GDAP2: variants seen among roughly 807,000 people sequenced by gnomAD.
The protein encoded by GDAP2 is ganglioside-induced differentiation-associated protein 2.
A neutral mutation model predicts 67.0 loss-of-function variants in GDAP2; 51 were observed. The ratio of observed to expected loss-of-function variants is 0.76; its 90% CI spans 0.61 to 0.96. The LOEUF is 0.96. Ranked by LOEUF, GDAP2 falls within the 40% of genes least tolerant of loss-of-function variation. The pLI is 0.00. For synonymous variants in GDAP2, 203 were observed against 207.3 expected (o/e 0.98, Z 0.18); for missense variants, 547 against 588.3 (o/e 0.93, Z 0.73).
chr1:117,912,268 T>C (rs1649882340), intron 4 of GDAP2, among the ~76,000 whole-genome samples, 186 bp from the exon 5 acceptor site: 1 of 152,176 alleles, frequency 6.6e-6, no homozygotes, highest in Non-Finnish European at 1.5e-5. Flanking sequence ...TTGCACTCTT[T>C]GGAGGATATA....
intron 8 of GDAP2, among the ~76,000 whole-genome samples, chr1:117,892,362 C>T (rs1054414480): frequency 2.6e-5 from 4 of 152,074 alleles, no homozygotes; most frequent in Non-Finnish European, 5.9e-5. Flanking sequence ...TTCTTATAAA[C>T]AGCACCTCAC....
rs751177805 is a variant in GDAP2, at chr1:117,870,589, G to T, written c.1474C>A (p.Pro492Thr). 13 of 1,605,826 alleles carry T rather than the reference G, an allele frequency of 8.1e-6. No individual in the cohort carries two copies. Among genetic ancestry groups the T allele is most frequent in the South Asian group, 1.1e-5 (1 of 90,900 alleles). Residue 492 changes from proline to threonine, a missense_variant, in exon 14 of 14, where the codon CCC (proline) becomes ACC (threonine). By Grantham distance (38) the Pro-to-Thr change is conservative. Coordinates refer to ENST00000369443, the MANE Select transcript of GDAP2 (RefSeq NM_017686.4). ...RENGPYYTSY[P>T]PSPDL The stretch of plus-strand genomic sequence containing the variant: ...GCAGGTCACAAATCTGGTGATGGGG[G>T]ATATGATGTATAGTAAGGCCCGTTT...
chr1:117,888,107 T>C (rs1648933488), intron 8 of GDAP2, among the ~76,000 whole-genome samples: 1 of 152,196 alleles, frequency 6.6e-6, no homozygotes, highest in Non-Finnish European at 1.5e-5. Context: ...ACTAAAAACA[T>C]GCATAGAGAA....
intron 3 of GDAP2, among the ~76,000 whole-genome samples, chr1:117,916,146 C>T (rs940035979): frequency 6.6e-6 from 1 of 152,118 alleles, no homozygotes; most frequent in African/African-American, 2.4e-5. Context: ...GATAAGCCAA[C>T]AAGAGAGAAG....
chr1:117,916,027 G>A (rs1403589200), intron 3 of GDAP2, among the ~76,000 whole-genome samples: 4 of 152,014 alleles, frequency 2.6e-5, no homozygotes, highest in Non-Finnish European at 4.4e-5. Context: ...TCTATTAGGG[G>A]TACCCCAACT....
chr1:117,872,714 G>C (rs1470593122), intron 13 of GDAP2, among the ~76,000 whole-genome samples: 3 of 151,952 alleles, frequency 2.0e-5, no homozygotes, highest in Non-Finnish European at 4.4e-5. Context: ...AGCATTAGGG[G>C]AATAAGCTAA....
intron 11 of GDAP2, among the ~76,000 whole-genome samples, chr1:117,882,404 AT>A (rs1648681998): frequency 6.6e-6 from 1 of 152,014 alleles, no homozygotes; most frequent in East Asian, 1.9e-4. Flanking sequence ...TATTGCAGCT[AT>A]TTTTGCCCTC....
intron 1 of GDAP2, among the ~76,000 whole-genome samples, chr1:117,925,142 C>G (rs1406348818): frequency 6.6e-6 from 1 of 152,146 alleles, no homozygotes; most frequent in African/African-American, 2.4e-5. Flanking sequence ...GTAATACATG[C>G]TTACAGAACA....
At chr1:117,905,519 C>T (rs972090362) in intron 6 of GDAP2, among the ~76,000 whole-genome samples, 8 of 152,168 alleles carry the variant, frequency 5.3e-5, no homozygotes, top group Non-Finnish European at 8.8e-5. Flanking sequence ...TTCCTAACCC[C>T]GTGCCAGGCT....
At chr1:117,877,609 G>T in intron 13 of GDAP2, 1 of 989,884 alleles carries the variant, frequency 1.0e-6, no homozygotes, top group Non-Finnish European at 1.2e-6. Flanking sequence ...AAAGACTACT[G>T]AGATAGGCCA....
intron 13 of GDAP2, among the ~76,000 whole-genome samples, chr1:117,873,986 G>A (rs567358692): frequency 6.6e-6 from 1 of 151,978 alleles, no homozygotes; most frequent in Non-Finnish European, 1.5e-5. Flanking sequence ...TCTCTGTGCT[G>A]TTTCTACAGT....
rs962270744 is a variant in GDAP2 at position 117,867,295 on chromosome 1, A to G, written c.*3274T>C. On this transcript the variant is annotated 3_prime_UTR_variant, in exon 14 of 14. Transcript: ENST00000369443. ...AAAAAGAAGTGATATTTTCAATTTC[A>G]GAAATTTGATTAAAAAACTACATCT... is the stretch of plus-strand genomic sequence containing the variant. The G allele has an allele frequency of 6.6e-6, 1 of 152,286 alleles. No individual in the cohort carries two copies. Among genetic ancestry groups the G allele is most frequent in the East Asian group, 1.9e-4 (1 of 5,184 alleles). The allele number at this position is 152,286 out of a possible 1,614,324, so 9.4% of individuals were successfully genotyped here.
chr1:117,885,165 T>A (rs573304185), intron 10 of GDAP2, among the ~76,000 whole-genome samples: 94 of 152,244 alleles, frequency 6.2e-4, no homozygotes, highest in Non-Finnish European at 1.1e-3. Context: ...GCTGTGTGCA[T>A]ATTTTTATTA....
chr1:117,899,255 C>A (rs754817589), intron 6 of GDAP2, 39 bp from the exon 7 acceptor site: 2 of 1,495,100 alleles, frequency 1.3e-6, no homozygotes, highest in Admixed American at 3.3e-5. Context: ...AAAAATAGAA[C>A]AAAACAAAGA....
At chr1:117,878,267 AGT>A (rs1401453245) in intron 12 of GDAP2, 115 bp from the exon 13 acceptor site, 19 of 544,994 alleles carry the variant, frequency 3.5e-5, no homozygotes, top group African/African-American at 3.5e-4. Context: ...TAAAATAACT[AGT>A]GTTTTCAAAG....
rs565896638 is a variant in GDAP2, at chr1:117,919,587, G to C, written c.176+595C>G. 3.3e-4 allele frequency among the ~76,000 whole-genome samples: 50 copies of C among 152,130 alleles called. 1 individual carries two copies. Among genetic ancestry groups the C allele is most frequent in the East Asian group, 5.8e-4 (3 of 5,178 alleles). ...GGGAGTGACTGCTAATGGGGCTTTG[G>C]GCTGATGAAAATGTTCTAAAATGGA... On this transcript the variant is annotated intron_variant, in intron 2 of 13. Coordinates refer to ENST00000369443, the MANE Select transcript of GDAP2 (RefSeq NM_017686.4).
At chr1:117,914,835 C>T (rs778173535) in intron 3 of GDAP2, among the ~76,000 whole-genome samples, 9 of 152,130 alleles carry the variant, frequency 5.9e-5, no homozygotes, top group Non-Finnish European at 1.0e-4. Context: ...CAATTAAGTA[C>T]GAAGGTGGAA....
chr1:117,928,903 C>T (rs1417657740), intron 1 of GDAP2, among the ~76,000 whole-genome samples: 2 of 152,192 alleles, frequency 1.3e-5, no homozygotes, highest in African/African-American at 4.8e-5. Context: ...TGAAAGAGCA[C>T]TTAAGTCTCA....
chr1:117,928,451 A>T (rs1335596442), intron 1 of GDAP2, among the ~76,000 whole-genome samples: 4 of 152,196 alleles, frequency 2.6e-5, no homozygotes, highest in Non-Finnish European at 4.4e-5. Context: ...CCTGTCAGGG[A>T]TATTAACCAT....
Sources: gnomAD v4.1 joint callset for allele counts (sites outside exome capture counted in the v4.1 genomes callset) on GRCh38, gnomAD v4.1.1 for gene constraint, MANE v1.5 for transcripts, NCBI Gene and HGNC (gene_info 2026-07-23, HGNC 2026-07-21) for gene names.